Variants in PFKP observed in about 807,000 individuals in gnomAD.
PFKP encodes the protein phosphofructokinase, platelet.
In PFKP, 101 loss-of-function variants were observed where a neutral mutation model predicts 94.3. That is an observed-to-expected ratio of 1.07 (90% CI 0.91 to 1.26). The LOEUF (loss-of-function observed/expected upper bound fraction) is 1.26. PFKP is among the 50% of genes most tolerant of loss of function. PFKP has a pLI of 0.00. For missense variants in PFKP, 1,145 were observed against 1,103.3 expected, an observed-to-expected ratio of 1.04 and a Z score of -0.53; for synonymous variants, 573 against 432.6, an observed-to-expected ratio of 1.32 and a Z score of -4.03.
chr10:3,103,748 C>T (rs200778414), intron 4 of PFKP, 31 bp from the exon 5 acceptor site: 392 of 1,611,342 alleles, frequency 2.4e-4, no homozygotes, highest in Non-Finnish European at 2.9e-4. Flanking sequence ...ATGGTTACGG[C>T]GATGAGACGT....
intron 2 of PFKP, among the ~76,000 whole-genome samples, chr10:3,086,753 C>T (rs914558506): frequency 1.3e-5 from 2 of 152,090 alleles, no homozygotes; most frequent in East Asian, 3.9e-4. Flanking sequence ...CAGTCCCTGG[C>T]CCACTTTAAT....
At chr10:3,118,519 G>A (rs1175446054) in intron 14 of PFKP, among the ~76,000 whole-genome samples, 7 of 152,146 alleles carry the variant, frequency 4.6e-5, no homozygotes, top group Admixed American at 4.6e-4. Flanking sequence ...TTTTTCTAAT[G>A]GGGCAGTAGA....
intron 7 of PFKP, among the ~76,000 whole-genome samples, chr10:3,105,856 T>G (rs1835493034): frequency 6.6e-6 from 1 of 152,188 alleles, no homozygotes; most frequent in Admixed American, 6.5e-5. Context: ...TGGGGCTTAA[T>G]AGAAAGCGAG....
At chr10:3,120,740 G>A (rs1007084429) in intron 16 of PFKP, among the ~76,000 whole-genome samples, 1 of 152,104 alleles carries the variant, frequency 6.6e-6, no homozygotes, top group Non-Finnish European at 1.5e-5. Context: ...GCTCACTGCA[G>A]CCTCGACCTC....
chr10:3,118,874 G>A lies in PFKP; in HGVS notation c.1530+5G>A, dbSNP rs766439703. On this transcript the variant is annotated splice_donor_5th_base_variant and intron_variant, in intron 15 of 21. Transcript: ENST00000381125. ...CTGATCATCGGTGGATTCGAGGTAC[G>A]TTACCGTTTCTCTCTTGCCGGTCTT... is the stretch of plus-strand genomic sequence containing the variant. The A allele has an allele frequency of 5.0e-6, 8 of 1,608,960 alleles. No individual in the cohort carries two copies. The highest frequency in any genetic ancestry group is 1.7e-4 in the Middle Eastern group (1 of 6,054).
At chr10:3,095,522 CAG>C (rs1293044998) in intron 2 of PFKP, among the ~76,000 whole-genome samples, 27 of 152,194 alleles carry the variant, frequency 1.8e-4, no homozygotes, top group African/African-American at 6.3e-4. Flanking sequence ...TCTTGTGAGT[CAG>C]AGTCAACAAG....
intron 16 of PFKP, among the ~76,000 whole-genome samples, chr10:3,128,088 C>T (rs1374437304): frequency 1.4e-5 from 2 of 143,498 alleles, no homozygotes; most frequent in Non-Finnish European, 3.1e-5. Flanking sequence ...CAGGATCAGC[C>T]GTTGACCAGG....
intron 1 of PFKP, among the ~76,000 whole-genome samples, chr10:3,068,986 G>A (rs1475783822): frequency 2.6e-5 from 4 of 151,854 alleles, no homozygotes; most frequent in African/African-American, 9.6e-5. Context: ...TTGAGCGCGC[G>A]GGGCGGGCGC....
intron 1 of PFKP, chr10:3,070,195 C>T (rs1230801393): frequency 6.6e-6 from 1 of 152,228 alleles, no homozygotes; most frequent in East Asian, 1.9e-4. Context: ...AGAGCTTTAC[C>T]CTTCGGTGAT....
chr10:3,067,895 C>A (rs1284219896), intron 1 of PFKP, among the ~76,000 whole-genome samples, 188 bp downstream of exon 1: 1 of 151,972 alleles, frequency 6.6e-6, no homozygotes, highest in Non-Finnish European at 1.5e-5. Context: ...CGGGAAGAAG[C>A]CCGCGCCCGG....
chr10:3,075,707 A>G (rs2131386463), intron 1 of PFKP, among the ~76,000 whole-genome samples: 1 of 150,826 alleles, frequency 6.6e-6, no homozygotes, highest in East Asian at 2.0e-4. Flanking sequence ...GTTTGAGGCC[A>G]GCCTGGGCAA....
chr10:3,108,063 G>C (rs1835811113), intron 8 of PFKP: 1 of 1,228,170 alleles, frequency 8.1e-7, no homozygotes, highest in Non-Finnish European at 1.1e-6. Context: ...ACCTGGGAAA[G>C]ACATCTGCCA....
Position 3,088,803 on chromosome 10 carries a change from T to A in PFKP, c.186+6342T>A, listed in dbSNP as rs1328806439. Among the ~76,000 whole-genome samples, 4 of 152,318 alleles carry A rather than the reference T, an allele frequency of 2.6e-5. No individual in the cohort carries two copies. In the East Asian group the frequency reaches 7.7e-4, roughly 29 times the overall value. On this transcript the variant is annotated intron_variant, in intron 2 of 21. Coordinates refer to ENST00000381125, the MANE Select transcript of PFKP (RefSeq NM_002627.5). ...AGAAATATAGTCTTCTTCCCTTTTA[T>A]CCTTGCTTTTCCCCACCCCTCCCCT...
rs200573977 is a variant in PFKP, at chr10:3,115,542, A to G, written c.1372-1234A>G. 1.2e-4 allele frequency among the ~76,000 whole-genome samples: 16 copies of G among 136,448 alleles called. 3 individuals are homozygous for G. The East Asian group carries it at 2.2e-3, about 19-fold the overall frequency. 89.5% of individuals were successfully genotyped at this position (136,448 alleles called of 152,430 possible). A position where few individuals can be genotyped will look rare whatever the true frequency, so the allele number is the denominator to read the frequency against. On this transcript the variant is annotated intron_variant, in intron 13 of 21. Transcript: ENST00000381125. ...AGCTGAGGATAGGATTGGGGATGCC[A>G]GGGTGAAGGTGTGTGTCCCTCAGCT...
intron 17 of PFKP, among the ~76,000 whole-genome samples, chr10:3,132,057 T>G (rs1398405176): frequency 1.3e-5 from 2 of 151,622 alleles, no homozygotes; most frequent in Non-Finnish European, 2.9e-5. Context: ...GTCATGCAAA[T>G]AAACAAGGAG....
intron 2 of PFKP, among the ~76,000 whole-genome samples, chr10:3,087,733 T>G (rs1266002884): frequency 1.3e-5 from 2 of 152,094 alleles, no homozygotes; most frequent in Non-Finnish European, 2.9e-5. Flanking sequence ...AAATTTCCTC[T>G]CTGGCACCCT....
chr10:3,117,964 A>T (rs545727161), intron 14 of PFKP, among the ~76,000 whole-genome samples: 1 of 152,248 alleles, frequency 6.6e-6, no homozygotes, highest in East Asian at 1.9e-4. Flanking sequence ...CAAGAGTACA[A>T]GTACTTCACT....
chr10:3,074,622 G>C (rs76031551), intron 1 of PFKP, among the ~76,000 whole-genome samples: 157 of 152,352 alleles, frequency 1.0e-3, no homozygotes, highest in African/African-American at 3.7e-3. Flanking sequence ...CCAGAGACTT[G>C]AGTGTGTCAG....
intron 2 of PFKP, among the ~76,000 whole-genome samples, chr10:3,083,646 TA>T (rs1231668008): frequency 3.9e-4 from 59 of 152,146 alleles, no homozygotes; most frequent in African/African-American, 1.4e-3. Flanking sequence ...TAACTTATTT[TA>T]TTTTATTTTT....
Sources: gnomAD v4.1 joint callset for allele counts (sites outside exome capture counted in the v4.1 genomes callset) on GRCh38, gnomAD v4.1.1 for gene constraint, MANE v1.5 for transcripts, NCBI Gene and HGNC (gene_info 2026-07-23, HGNC 2026-07-21) for gene names.